The following LAMA4 variants were observed in gnomAD, a reference collection of about 807,000 sequenced individuals.
LAMA4 encodes the protein laminin subunit alpha 4, also known as laminin subunit alpha-4.
A neutral mutation model predicts 207.1 loss-of-function variants in LAMA4; 127 were observed. The observed-to-expected ratio is 0.61, with a 90% CI of 0.53 to 0.71. The LOEUF (loss-of-function observed/expected upper bound fraction) is 0.71, where lower values mean the gene tolerates loss of function less well. Among genes scored for constraint, LAMA4 ranks in the 30% least tolerant of loss-of-function variants. The probability of loss-of-function intolerance (pLI) is 0.00; values close to 1 mark genes in which losing one functional copy is unlikely to be tolerated. For missense variants in LAMA4, 2,093 were observed against 2,246.5 expected (o/e 0.93, Z 1.38); for synonymous variants, 761 against 816.0 (o/e 0.93, Z 1.15).
At chr6:112,163,481 A>G (rs895927316) in intron 13 of LAMA4, among the ~76,000 whole-genome samples, 3 of 152,284 alleles carry the variant, frequency 2.0e-5, no homozygotes, top group Admixed American at 6.5e-5. Flanking sequence ...GGTAGAGGCC[A>G]TGAGCGGTAC....
At chr6:112,171,215 CT>C (rs553860003) in intron 12 of LAMA4, among the ~76,000 whole-genome samples, 3,586 of 143,162 alleles carry the variant, frequency 0.025, 78 homozygotes, top group African/African-American at 0.062. Flanking sequence ...TCTGTCTCTC[CT>C]TTTTTTTTTT....
rs147682285 is a variant in LAMA4 at position 112,149,033 on chromosome 6, C to G, written c.2174-697G>C. On this transcript the variant is annotated intron_variant, in intron 17 of 38. Coordinates refer to ENST00000230538, the MANE Select transcript of LAMA4 (RefSeq NM_001105206.3). ...ATTTGGTTATTGGATTTCTTTGGCCCCAACTGTAATGTAATTAGAACTGTA... is the reference window on the plus strand; with the variant it reads ...ATTTGGTTATTGGATTTCTTTGGCCGCAACTGTAATGTAATTAGAACTGTA... Among the ~76,000 whole-genome samples, 1,029 of 145,954 alleles carry G rather than the reference C, an allele frequency of 7.1e-3. 7 individuals carry two copies. The highest frequency in any genetic ancestry group is 0.011 in the Non-Finnish European group (760 of 66,492).
chr6:112,144,257 G>A (rs574074235), intron 19 of LAMA4, among the ~76,000 whole-genome samples: 8 of 152,296 alleles, frequency 5.3e-5, no homozygotes, highest in Admixed American at 3.3e-4. Context: ...TGTGTTTGTT[G>A]AGTTTATTCC....
At chr6:112,213,556 TG>T (rs1784466117) in intron 3 of LAMA4, 1 of 152,558 alleles carries the variant, frequency 6.6e-6, no homozygotes, top group Non-Finnish European at 1.5e-5. Flanking sequence ...ATTTCTAAGC[TG>T]TTTTATTTTC....
At chr6:112,224,290 C>T (rs1785081590) in intron 2 of LAMA4, among the ~76,000 whole-genome samples, 1 of 152,102 alleles carries the variant, frequency 6.6e-6, no homozygotes, top group South Asian at 2.1e-4. Flanking sequence ...ATCCTCCCTC[C>T]CTTTTATACA....
chr6:112,126,988 A>G (rs1255984178), intron 31 of LAMA4, among the ~76,000 whole-genome samples: 9 of 152,234 alleles, frequency 5.9e-5, no homozygotes, highest in Admixed American at 6.5e-5. Flanking sequence ...AAGGCTCTAT[A>G]GAGATATAAC....
chr6:112,113,072 TTAGA>T (rs782803357), intron 38 of LAMA4, among the ~76,000 whole-genome samples: 30 of 152,114 alleles, frequency 2.0e-4, no homozygotes, highest in African/African-American at 4.8e-4. Context: ...AAAAATACAG[TTAGA>T]TAGAAGGAAT....
In LAMA4 at chr6:112,207,139, GGC is replaced by G. The variant is rs781996673; in HGVS notation, c.302_303del (p.Cys101SerfsTer10). 3 of 1,613,868 alleles carry G rather than the reference GGC, an allele frequency of 1.9e-6. No individual in the cohort carries two copies. In the South Asian group the frequency reaches 3.3e-5, roughly 18 times the overall value. ...CAGTGCTCTCCTGTTGTGTTCCGCT[GGC>G]AGTGCTATGAGACAAAAGACAAGAA... ...CLDGSGYCVH[C>X]QRNTTGEHCE... On this transcript the variant is annotated frameshift_variant, in exon 4 of 39. Transcript: ENST00000230538. LOFTEE classifies it high-confidence loss of function.
chr6:112,197,153 CATCATG>C (rs1783468293), intron 5 of LAMA4, among the ~76,000 whole-genome samples: 1 of 152,156 alleles, frequency 6.6e-6, no homozygotes, highest in South Asian at 2.1e-4. Flanking sequence ...TTATTTTTAT[CATCATG>C]ATCATGGTCT....
intron 17 of LAMA4, 124 bp downstream of exon 17, chr6:112,150,387 A>C: frequency 1.3e-6 from 1 of 796,970 alleles, no homozygotes; most frequent in Non-Finnish European, 2.3e-6. Flanking sequence ...GTATTTTGTC[A>C]TCAGAAAATA....
intron 11 of LAMA4, 131 bp downstream of exon 11, chr6:112,175,182 A>G: frequency 1.1e-6 from 1 of 890,390 alleles, no homozygotes; most frequent in Non-Finnish European, 1.8e-6. Flanking sequence ...GGCCACATGT[A>G]GATTCTAAAT....
At chr6:112,115,318 GT>G (rs1324269166) in intron 36 of LAMA4, among the ~76,000 whole-genome samples, 1 of 152,058 alleles carries the variant, frequency 6.6e-6, no homozygotes. Context: ...AATCTGTTAT[GT>G]TAAGTTAGCA....
At chr6:112,232,606 G>A (rs1465324402) in intron 2 of LAMA4, among the ~76,000 whole-genome samples, 2 of 152,088 alleles carry the variant, frequency 1.3e-5, no homozygotes, top group Non-Finnish European at 2.9e-5. Flanking sequence ...CCATCATTTT[G>A]TAGCTTTGAA....
chr6:112,245,950 TC>T (rs1263456331), intron 2 of LAMA4, among the ~76,000 whole-genome samples: 2 of 152,214 alleles, frequency 1.3e-5, no homozygotes, highest in Admixed American at 1.3e-4. Context: ...ATGGAAATTT[TC>T]CCATTACCAT....
intron 9 of LAMA4, among the ~76,000 whole-genome samples, 184 bp downstream of exon 9, chr6:112,185,053 G>C (rs1163447058): frequency 6.6e-6 from 1 of 152,150 alleles, no homozygotes; most frequent in Non-Finnish European, 1.5e-5. Flanking sequence ...AACGAGAGGA[G>C]ACGGTAGAGA....
In LAMA4 at chr6:112,136,191, TG is replaced by T; in HGVS notation, c.3345del (p.Phe1115LeufsTer12). On this transcript the variant is annotated frameshift_variant, in exon 25 of 39. Transcript: ENST00000230538. LOFTEE classifies it high-confidence loss of function. Reference protein sequence around the residue: ...GYLHVFYDFGFSGGPVHLEDT... With the variant: ...GYLHVFYDFGXSGGPVHLEDT... ...TCTTCAAGATGCACAGGGCCACCGC[TG>T]AATCCAAAATCATAGAACACATGTA... The T allele has an allele frequency of 6.2e-7, 1 of 1,612,708 alleles. No homozygotes were observed. The highest frequency in any genetic ancestry group is 8.5e-7 in the Non-Finnish European group (1 of 1,178,818).
intron 28 of LAMA4, 34 bp from the exon 29 acceptor site, chr6:112,131,135 T>C (rs1005970604): frequency 6.2e-7 from 1 of 1,608,924 alleles, no homozygotes. Flanking sequence ...AAGTAGGGAG[T>C]CTAGGGATCC....
chr6:112,245,053 A>G (rs1381046809), intron 2 of LAMA4, among the ~76,000 whole-genome samples: 3 of 152,206 alleles, frequency 2.0e-5, no homozygotes, highest in Non-Finnish European at 4.4e-5. Context: ...TCCAAATAGC[A>G]GGCATTTAAC....
At chr6:112,244,442 T>C (rs942052312) in intron 2 of LAMA4, among the ~76,000 whole-genome samples, 3 of 152,206 alleles carry the variant, frequency 2.0e-5, no homozygotes, top group Non-Finnish European at 4.4e-5. Flanking sequence ...TTGTGTAGCA[T>C]ATGATCAAGA....
Sources: gnomAD v4.1 joint callset for allele counts (sites outside exome capture counted in the v4.1 genomes callset) on GRCh38, gnomAD v4.1.1 for gene constraint, MANE v1.5 for transcripts, NCBI Gene and HGNC (gene_info 2026-07-23, HGNC 2026-07-21) for gene names.